IQSEC1: variants seen among roughly 807,000 people sequenced by gnomAD.
IQSEC1 encodes IQ motif and Sec7 domain ArfGEF 1.
In IQSEC1, 31 loss-of-function variants were observed where a neutral mutation model predicts 91.0. The observed-to-expected ratio is 0.34, with a 90% CI of 0.26 to 0.46. IQSEC1 has a LOEUF of 0.46. Ranked by LOEUF, IQSEC1 falls within the 20% of genes least tolerant of loss-of-function variation. The pLI is 1.00. For missense variants in IQSEC1, 1,388 were observed against 1,575.6 expected, an observed-to-expected ratio of 0.88 and a Z score of 2.02; for synonymous variants, 699 against 662.6, an observed-to-expected ratio of 1.05 and a Z score of -0.84.
chr3:13,066,238 A>G lies in IQSEC1; in HGVS notation c.23+6754T>C, dbSNP rs182648246. Reference sequence around the variant, plus strand: ...GGCAAACATGTGGTCGATCTGCACAACGCAACAGTGTTCAGCTTTAAAAAA... The same window carrying G: ...GGCAAACATGTGGTCGATCTGCACAGCGCAACAGTGTTCAGCTTTAAAAAA... On this transcript the variant is annotated intron_variant, in intron 1 of 13. Transcript: ENST00000613206. 1.8e-3 allele frequency among the ~76,000 whole-genome samples: 278 copies of G among 152,402 alleles called. 1 individual carries two copies. The highest frequency in any genetic ancestry group is 6.5e-3 in the African/African-American group (272 of 41,604).
At chr3:13,174,183 A>C (rs1301590885) in intron 1 of IQSEC1, among the ~76,000 whole-genome samples, 1 of 152,170 alleles carries the variant, frequency 6.6e-6, no homozygotes, top group Non-Finnish European at 1.5e-5. Context: ...CACAGAAGTA[A>C]GAAGCAGGTG....
At chr3:12,910,979 G>A (rs1295609925) in intron 10 of IQSEC1, among the ~76,000 whole-genome samples, 2 of 152,228 alleles carry the variant, frequency 1.3e-5, no homozygotes, top group East Asian at 1.9e-4. Flanking sequence ...GAGAGTGAAA[G>A]GAGCAAGGTA....
intron 2 of IQSEC1, among the ~76,000 whole-genome samples, chr3:13,154,475 A>ATATATATATATT (rs36203218): frequency 7.6e-6 from 1 of 130,774 alleles, no homozygotes; most frequent in African/African-American, 2.8e-5. Context: ...ATATATATAT[A>ATATATATATATT]TGCAAAAACT....
chr3:13,086,244 C>T (rs2125133979), intron 2 of IQSEC1, among the ~76,000 whole-genome samples: 1 of 152,240 alleles, frequency 6.6e-6, no homozygotes, highest in East Asian at 1.9e-4. Context: ...AGATTCCTTA[C>T]CCAGAATGGA....
chr3:13,158,777 C>T (rs1452871077), intron 2 of IQSEC1, among the ~76,000 whole-genome samples: 1 of 152,060 alleles, frequency 6.6e-6, no homozygotes, highest in Non-Finnish European at 1.5e-5. Flanking sequence ...GCCTGGGCAT[C>T]ATGACAAAAC....
intron 1 of IQSEC1, among the ~76,000 whole-genome samples, chr3:12,945,886 C>A (rs1699147604): frequency 2.0e-5 from 3 of 152,186 alleles, no homozygotes; most frequent in Admixed American, 1.3e-4. Context: ...TAAATCAGGA[C>A]AGGAAGTTAT....
chr3:13,203,874 C>A (rs1288278019), intron 1 of IQSEC1, among the ~76,000 whole-genome samples: 2 of 152,254 alleles, frequency 1.3e-5, no homozygotes, highest in African/African-American at 2.4e-5. Flanking sequence ...GGGCCCTGAG[C>A]GTGCCAGTGA....
intron 1 of IQSEC1, among the ~76,000 whole-genome samples, chr3:13,172,619 G>A (rs1462455740): frequency 6.6e-6 from 1 of 152,228 alleles, no homozygotes; most frequent in Non-Finnish European, 1.5e-5. Flanking sequence ...TGCCTGGCAT[G>A]TCCTGACTTC....
Position 13,219,287 on chromosome 3 carries a change from G to A in IQSEC1, c.273-55154C>T, listed in dbSNP as rs149340876. Among the ~76,000 whole-genome samples the A allele has an allele frequency of 7.9e-3, 1,203 of 152,320 alleles. 11 individuals carry two copies. Among genetic ancestry groups the A allele is most frequent in the Middle Eastern group, 0.065 (19 of 294 alleles). On this transcript the variant is annotated intron_variant, in intron 1 of 15. Transcript: ENST00000648114. Reference sequence around the variant, plus strand: ...CCAAGTTCACTGGTAAGAGGAAGCCGAAGGTCAGCGGACTCCAGAACTGGC... The same window carrying A: ...CCAAGTTCACTGGTAAGAGGAAGCCAAAGGTCAGCGGACTCCAGAACTGGC...
Position 13,282,680 on chromosome 3 carries a change from C to T in IQSEC1, c.272+31G>A, listed in dbSNP as rs923078222. On this transcript the variant is annotated intron_variant, in intron 1 of 15. Coordinates refer to the IQSEC1 transcript ENST00000648114. This position sits in a 1 kb window ranked among gnomAD's most constrained non-coding sequence, Gnocchi z 6.4. ...GGACCCCAAGAAGTTCCCACGTCCC[C>T]GACACGCCCGCCGCCCCGGGCCCCG... Among the ~76,000 whole-genome samples, 43 of 151,396 alleles carry T rather than the reference C, an allele frequency of 2.8e-4. 3 individuals carry two copies. Among genetic ancestry groups the T allele is most frequent in the South Asian group, 2.5e-3 (12 of 4,820 alleles).
At chr3:13,054,895 C>A (rs777614053) in intron 1 of IQSEC1, among the ~76,000 whole-genome samples, 1 of 152,218 alleles carries the variant, frequency 6.6e-6, no homozygotes, top group Admixed American at 6.5e-5. Context: ...ATTTGTAAAA[C>A]GGGGCTGATC....
intron 3 of IQSEC1, among the ~76,000 whole-genome samples, chr3:12,930,579 A>G (rs929014187): frequency 6.6e-6 from 1 of 152,186 alleles, no homozygotes; most frequent in Admixed American, 6.5e-5. Context: ...TTGAGGTCAG[A>G]CTACAGGCCT....
intron 2 of IQSEC1, among the ~76,000 whole-genome samples, chr3:13,153,573 C>T (rs1045458867): frequency 6.6e-6 from 1 of 152,204 alleles, no homozygotes; most frequent in African/African-American, 2.4e-5. Flanking sequence ...TCCTGCCACT[C>T]TGGCTTTCTT....
At chr3:13,205,634 C>G (rs1270237807) in intron 1 of IQSEC1, among the ~76,000 whole-genome samples, 1 of 151,218 alleles carries the variant, frequency 6.6e-6, no homozygotes, top group Non-Finnish European at 1.5e-5. Flanking sequence ...ATACATCCCT[C>G]CATCCATCCA....
chr3:13,135,878 C>T (rs900097997), intron 2 of IQSEC1, among the ~76,000 whole-genome samples: 1 of 152,236 alleles, frequency 6.6e-6, no homozygotes, highest in Non-Finnish European at 1.5e-5. Flanking sequence ...GGTCTCCACT[C>T]ATCCTCCTGT....
chr3:13,228,598 A>T (rs1262980207), intron 1 of IQSEC1, among the ~76,000 whole-genome samples: 2 of 152,216 alleles, frequency 1.3e-5, no homozygotes, highest in South Asian at 4.1e-4. Context: ...ATACCTTAAA[A>T]TTTTTTGAAA....
intron 1 of IQSEC1, among the ~76,000 whole-genome samples, chr3:13,053,792 G>C (rs975198136): frequency 6.6e-6 from 1 of 152,164 alleles, no homozygotes; most frequent in African/African-American, 2.4e-5. Flanking sequence ...AGACCTCTCT[G>C]TTCCACTGTC....
At chr3:13,006,082 C>T (rs1176137506) in intron 1 of IQSEC1, among the ~76,000 whole-genome samples, 1 of 152,214 alleles carries the variant, frequency 6.6e-6, no homozygotes, top group African/African-American at 2.4e-5. Context: ...AATAACAGCC[C>T]AGCAAAATCC....
intron 2 of IQSEC1, among the ~76,000 whole-genome samples, chr3:13,140,515 G>A (rs1706782843): frequency 1.3e-5 from 2 of 152,198 alleles, no homozygotes; most frequent in South Asian, 4.1e-4. Flanking sequence ...GATCTCACTG[G>A]TGAGGAGTAT....
Sources: allele counts gnomAD v4.1 joint callset (sites outside exome capture counted in the v4.1 genomes callset), GRCh38; gene constraint gnomAD v4.1.1; non-coding constraint Gnocchi (gnomAD v3.1); transcripts MANE v1.5; gene names NCBI Gene and HGNC (gene_info 2026-07-23, HGNC 2026-07-21).